Variants in PATZ1 observed in about 807,000 individuals in gnomAD.
The protein encoded by PATZ1 is POZ/BTB and AT hook containing zinc finger 1.
A neutral mutation model predicts 46.2 loss-of-function variants in PATZ1; 9 were observed. The observed-to-expected ratio is 0.19, with a 90% confidence interval of 0.12 to 0.34. PATZ1 has a LOEUF of 0.34. PATZ1 is among the 10% of genes least tolerant of loss of function. PATZ1 has a pLI of 1.00. For synonymous variants in PATZ1, 426 were observed against 378.6 expected (o/e 1.13, Z -1.45); for missense variants, 632 against 923.0 (o/e 0.68, Z 4.08).
At chr22:31,333,296 T>G (rs1482976381) in intron 3 of PATZ1, among the ~76,000 whole-genome samples, 3 of 152,216 alleles carry the variant, frequency 2.0e-5, no homozygotes, top group Non-Finnish European at 4.4e-5. Flanking sequence ...CAATCTTAAC[T>G]GTTCTGACAT....
rs1419573777 is a variant in PATZ1, at chr22:31,345,654, C to G, written c.-52G>C. 6.6e-7 allele frequency: 1 copy of G among 1,507,332 alleles called. No homozygotes were observed. Among genetic ancestry groups the G allele is most frequent in the East Asian group, 2.3e-5 (1 of 42,686 alleles). 93.4% of individuals were successfully genotyped at this position (1,507,332 alleles called of 1,614,324 possible). On this transcript the variant is annotated 5_prime_UTR_variant, in exon 1 of 5. Coordinates refer to ENST00000266269, the MANE Select transcript of PATZ1 (RefSeq NM_014323.3). The surrounding 1 kb of genome is among the most constrained non-coding windows in gnomAD (Gnocchi z 7.4). ...GCCGCTGCACCTGCCCGCCCCCTCC[C>G]TTCCCCTCAGCAGCGAGAAGCGGGG...
chr22:31,329,600 G>C (rs891555273), intron 3 of PATZ1, among the ~76,000 whole-genome samples: 1 of 152,194 alleles, frequency 6.6e-6, no homozygotes, highest in East Asian at 1.9e-4. Flanking sequence ...GTAGTGTTTT[G>C]GTTCGATTTT....
chr22:31,334,116 G>A (rs2049479122), intron 3 of PATZ1, among the ~76,000 whole-genome samples: 1 of 152,218 alleles, frequency 6.6e-6, no homozygotes, highest in South Asian at 2.1e-4. Context: ...GCTTGTTACA[G>A]CAGGTTTTGA....
Position 31,344,555 on chromosome 22 carries a change from G to A in PATZ1, c.1048C>T (p.Arg350Trp), listed in dbSNP as rs778319471. Reference sequence around the variant, plus strand: ...TCACAAGCCACCTGCTTCCTGGTCCGGCTCCTCTTTCGGGGGCCGTCGGGG... The same window carrying A: ...TCACAAGCCACCTGCTTCCTGGTCCAGCTCCTCTTTCGGGGGCCGTCGGGG... ...EDPDGPRKRS[R>W]TRKQVACEIC... The change falls in exon 1 of 5, where the codon CGG (arginine) becomes TGG (tryptophan). Residue 350 changes from arginine to tryptophan, a missense_variant. By Grantham distance (101) the Arg-to-Trp change is moderately radical. Coordinates refer to ENST00000266269, the MANE Select transcript of PATZ1 (RefSeq NM_014323.3). 6.2e-7 allele frequency: 1 copy of A among 1,614,200 alleles called. No homozygotes were observed.
chr22:31,335,237 C>G (rs1487671572), intron 3 of PATZ1: 1 of 156,844 alleles, frequency 6.4e-6, no homozygotes, highest in Non-Finnish European at 1.4e-5. Context: ...CCTTGTTTAT[C>G]TCCAGACTCA....
chr22:31,341,001 TG>T (rs2049573371), intron 2 of PATZ1: 7 of 1,074,978 alleles, frequency 6.5e-6, no homozygotes, highest in Non-Finnish European at 6.8e-6. Flanking sequence ...GACTCACTCG[TG>T]GAGTGGGGAA....
At chr22:31,331,178 G>A (rs1394772028) in intron 3 of PATZ1, among the ~76,000 whole-genome samples, 2 of 152,166 alleles carry the variant, frequency 1.3e-5, no homozygotes, top group Non-Finnish European at 2.9e-5. Context: ...CAGGAGTGAG[G>A]AGACAAGGCT....
chr22:31,341,214 G>A, intron 2 of PATZ1: 1 of 1,327,698 alleles, frequency 7.5e-7, no homozygotes, highest in South Asian at 2.4e-5. Flanking sequence ...ATGCTATAGG[G>A]GGTTCCAGAA....
Position 31,340,825 on chromosome 22 carries a change from G to C in PATZ1, c.1335+2072C>G, listed in dbSNP as rs568785045. The stretch of plus-strand genomic sequence containing the variant: ...ATATATTGGGGTGGCCCAATATAAA[G>C]CTACTCATTAGTTTGGTTCCTGAGC... On this transcript the variant is annotated intron_variant, in intron 2 of 4. Coordinates refer to ENST00000266269, the MANE Select transcript of PATZ1 (RefSeq NM_014323.3). 7.7e-5 allele frequency: 82 copies of C among 1,060,832 alleles called. 1 individual carries two copies. In the South Asian group the frequency reaches 3.3e-3, roughly 43 times the overall value. The allele number at this position is 1,060,832 out of a possible 1,614,324, so 65.7% of individuals were successfully genotyped here.
chr22:31,335,743 G>A lies in PATZ1; in HGVS notation c.1456C>T (p.Leu486=), dbSNP rs1487216729. 9 of 1,614,096 alleles carry A rather than the reference G, an allele frequency of 5.6e-6. No individual in the cohort carries two copies. The highest frequency in any genetic ancestry group is 7.6e-6 in the Non-Finnish European group (9 of 1,180,042). ...YLRAAYMADH[L]KKHSEGPSNF... ...CTGGGCCCCTCGCTGTGCTTCTTCA[G>A]GTGGTCTGCCATGTATGCTGCCCGC... The change falls in exon 3 of 5, where the codon CTG becomes TTG. Residue 486 remains leucine (L), a synonymous_variant. Transcript: ENST00000266269.
rs1049286605 is a variant in PATZ1 at position 31,343,164 on chromosome 22, G to T, written c.1272-204C>A. The T allele has an allele frequency of 1.1e-5, 14 of 1,310,522 alleles. 1 individual carries two copies. The highest frequency in any genetic ancestry group is 9.5e-5 in the South Asian group (5 of 52,522). 81.2% of individuals were successfully genotyped at this position (1,310,522 alleles called of 1,614,324 possible). ...CTCTCTGCCCTGGTTTTCTCTGGAGGGGGGAAGAGAAATGGGCATTTGTCT... is the reference window on the plus strand; with the variant it reads ...CTCTCTGCCCTGGTTTTCTCTGGAGTGGGGAAGAGAAATGGGCATTTGTCT... On this transcript the variant is annotated intron_variant, in intron 1 of 4. Transcript: ENST00000266269.
At chr22:31,342,360 G>A (rs1009443900) in intron 2 of PATZ1, among the ~76,000 whole-genome samples, 3 of 152,112 alleles carry the variant, frequency 2.0e-5, no homozygotes, top group African/African-American at 7.2e-5. Flanking sequence ...TTAAACAGAT[G>A]CCAGTGTGGG....
At chr22:31,337,521 GC>G (rs2049526503) in intron 2 of PATZ1, 2 of 152,204 alleles carry the variant, frequency 1.3e-5, no homozygotes, top group Admixed American at 1.3e-4. Flanking sequence ...AGGCATTCCA[GC>G]TGTGGGGGTC....
At chr22:31,336,280 G>T (rs985681155) in intron 2 of PATZ1, among the ~76,000 whole-genome samples, 4 of 152,142 alleles carry the variant, frequency 2.6e-5, no homozygotes, top group African/African-American at 9.7e-5. Context: ...CAGCCTTCCT[G>T]TTCTGTATCC....
Position 31,344,973 on chromosome 22 carries a change from C to T in PATZ1, c.630G>A (p.Glu210=), listed in dbSNP as rs1355353578. 1 of 1,613,976 alleles carries T rather than the reference C, an allele frequency of 6.2e-7. No individual in the cohort carries two copies. Among genetic ancestry groups the T allele is most frequent in the Admixed American group, 1.7e-5 (1 of 60,036 alleles). The part of the protein sequence containing the change: ...NGIAGSMQPE[E]EAARAAGAAI... ...CTGCACCAGCCGCCCGAGCTGCCTCCTCCTCTGGCTGCATGCTGCCGGCGA... is the reference window on the plus strand; with the variant it reads ...CTGCACCAGCCGCCCGAGCTGCCTCTTCCTCTGGCTGCATGCTGCCGGCGA... The change falls in exon 1 of 5, where the codon GAG becomes GAA. Residue 210 remains glutamate (E), a synonymous_variant. Coordinates refer to ENST00000266269, the MANE Select transcript of PATZ1 (RefSeq NM_014323.3).
rs1374801227 is a variant in PATZ1, at chr22:31,346,040, C to T, written c.-438G>A. Reference sequence around the variant, plus strand: ...TCCGCCGCGCAGGCGCGCGCGCGCGCCGCGGCTTTTCCCGGGCCCGCTGGG... The same window carrying T: ...TCCGCCGCGCAGGCGCGCGCGCGCGTCGCGGCTTTTCCCGGGCCCGCTGGG... On this transcript the variant is annotated 5_prime_UTR_variant, in exon 1 of 5. Coordinates refer to ENST00000266269, the MANE Select transcript of PATZ1 (RefSeq NM_014323.3). The T allele has an allele frequency of 5.9e-6, 1 of 168,722 alleles. No homozygotes were observed. Among genetic ancestry groups the T allele is most frequent in the Non-Finnish European group, 1.3e-5 (1 of 77,838 alleles). 10.5% of individuals were successfully genotyped at this position (168,722 alleles called of 1,614,324 possible). A position where few individuals can be genotyped will look rare whatever the true frequency, so the allele number is the denominator to read the frequency against.
chr22:31,346,012 G>T lies in PATZ1; in HGVS notation c.-410C>A, dbSNP rs1013947394. On this transcript the variant is annotated 5_prime_UTR_variant, in exon 1 of 5. Coordinates refer to ENST00000266269, the MANE Select transcript of PATZ1 (RefSeq NM_014323.3). ...ACGCGCACGCGGGGAGGAGAAGGAG[G>T]GGTCCGCCGCGCAGGCGCGCGCGCG... The T allele has an allele frequency of 5.4e-6, 1 of 185,138 alleles. No homozygotes were observed. Among genetic ancestry groups the T allele is most frequent in the South Asian group, 1.8e-4 (1 of 5,458 alleles). The allele number at this position is 185,138 out of a possible 1,614,324, so 11.5% of individuals were successfully genotyped here.
Position 31,345,816 on chromosome 22 carries a change from C to G in PATZ1, c.-214G>C. 2 of 463,828 alleles carry G rather than the reference C, an allele frequency of 4.3e-6. No homozygotes were observed. Among genetic ancestry groups the G allele is most frequent in the Non-Finnish European group, 7.5e-6 (2 of 265,514 alleles). 28.7% of individuals were successfully genotyped at this position (463,828 alleles called of 1,614,324 possible). Reference sequence around the variant, plus strand: ...GTGCACCACCCCCCACATAGCCAACCCCCGCCCTCGCTGGACTGCGCGCCA... The same window carrying G: ...GTGCACCACCCCCCACATAGCCAACGCCCGCCCTCGCTGGACTGCGCGCCA... On this transcript the variant is annotated 5_prime_UTR_variant, in exon 1 of 5. Coordinates refer to ENST00000266269, the MANE Select transcript of PATZ1 (RefSeq NM_014323.3). This position sits in a 1 kb window ranked among gnomAD's most constrained non-coding sequence, Gnocchi z 7.4.
chr22:31,330,137 AT>A (rs1248454461), intron 3 of PATZ1, among the ~76,000 whole-genome samples: 5 of 152,188 alleles, frequency 3.3e-5, no homozygotes, highest in African/African-American at 1.2e-4. Flanking sequence ...AAAAGTCTGA[AT>A]TGGCATGGTA....
Sources: gnomAD v4.1 joint callset for allele counts (sites outside exome capture counted in the v4.1 genomes callset) on GRCh38, gnomAD v4.1.1 for gene constraint, Gnocchi (gnomAD v3.1) non-coding constraint, MANE v1.5 for transcripts, NCBI Gene and HGNC (gene_info 2026-07-23, HGNC 2026-07-21) for gene names.